Variants in SEC14L4 observed in about 807,000 individuals in gnomAD.
The protein encoded by SEC14L4 is SEC14 like lipid binding 4.
A neutral mutation model predicts 55.1 loss-of-function variants in SEC14L4; 42 were observed. The observed-to-expected ratio is 0.76, with a 90% confidence interval of 0.60 to 0.99. The LOEUF (loss-of-function observed/expected upper bound fraction) is 0.99, where lower values mean the gene tolerates loss of function less well. Ranked by LOEUF, SEC14L4 falls within the 50% of genes least tolerant of loss-of-function variation. SEC14L4 has a pLI of 0.00. For missense variants in SEC14L4, 445 were observed against 512.1 expected, an observed-to-expected ratio of 0.87 and a Z score of 1.27; for synonymous variants, 206 against 206.8, an observed-to-expected ratio of 1.00 and a Z score of 0.03.
At chr22:30,500,848 T>C (rs1936298444) in intron 2 of SEC14L4, among the ~76,000 whole-genome samples, 1 of 137,764 alleles carries the variant, frequency 7.3e-6, no homozygotes, top group African/African-American at 2.8e-5. Flanking sequence ...CTGATGGAAC[T>C]GGCATCAGAT....
chr22:30,495,510 C>T (rs1936117787), intron 4 of SEC14L4, 68 bp from the exon 5 acceptor site: 1 of 1,608,410 alleles, frequency 6.2e-7, no homozygotes, highest in South Asian at 1.1e-5. Context: ...CATCAGGTGG[C>T]TGGACGTGGT....
Position 30,492,095 on chromosome 22 carries a change from C to A in SEC14L4, c.725G>T (p.Gly242Val). The change falls in exon 9 of 12, where the codon GGG becomes GTG. Residue 242 changes from glycine to valine, a missense_variant. By Grantham distance (109) the Gly-to-Val change is moderately radical. Transcript: ENST00000255858. ...ISPDQLPVEF[G>V]GTMTDPDGNP... ...GCCATCGGGGTCAGTCATGGTCCCC[C>A]CAAACTCCACAGGCAGCTGGTCGGG... 6.2e-7 allele frequency: 1 copy of A among 1,613,884 alleles called. No homozygotes were observed. The highest frequency in any genetic ancestry group is 1.7e-4 in the Middle Eastern group (1 of 6,052).
At chr22:30,494,514 C>T (rs1257576723) in intron 6 of SEC14L4, among the ~76,000 whole-genome samples, 6 of 152,134 alleles carry the variant, frequency 3.9e-5, no homozygotes, top group Non-Finnish European at 5.9e-5. Context: ...ACTACAGGCA[C>T]GTGCCACTGC....
chr22:30,500,264 T>C (rs1936278790), intron 2 of SEC14L4, among the ~76,000 whole-genome samples: 1 of 152,182 alleles, frequency 6.6e-6, no homozygotes, highest in South Asian at 2.1e-4. Context: ...TCAATTTCTC[T>C]AATATTTATT....
chr22:30,501,702 C>T (rs900004684), intron 2 of SEC14L4, among the ~76,000 whole-genome samples: 1 of 151,900 alleles, frequency 6.6e-6, no homozygotes, highest in African/African-American at 2.4e-5. Flanking sequence ...AATGTACCAT[C>T]ATCATCATAA....
intron 4 of SEC14L4, 49 bp from the exon 5 acceptor site, chr22:30,495,491 TC>T (rs1476798344): frequency 9.3e-6 from 15 of 1,609,156 alleles, no homozygotes; most frequent in African/African-American, 1.3e-5. Flanking sequence ...CCAGGCTGGG[TC>T]CCTACTCCAT....
intron 2 of SEC14L4, among the ~76,000 whole-genome samples, chr22:30,500,802 C>G (rs1274216336): frequency 1.6e-5 from 2 of 123,622 alleles, no homozygotes; most frequent in Non-Finnish European, 3.2e-5. Flanking sequence ...CTACTATGCG[C>G]CAGGCTGAGG....
At chr22:30,495,115 G>A (rs1936096244) in intron 5 of SEC14L4, 139 bp downstream of exon 5, 1 of 979,964 alleles carries the variant, frequency 1.0e-6, no homozygotes, top group Non-Finnish European at 1.5e-6. Context: ...CACTTTTACG[G>A]GTGGGTAAGG....
intron 2 of SEC14L4, among the ~76,000 whole-genome samples, chr22:30,500,747 G>T (rs1245645728): frequency 1.6e-5 from 2 of 124,884 alleles, no homozygotes; most frequent in Admixed American, 8.6e-5. Flanking sequence ...TGGGATATGA[G>T]AACAGAATTT....
intron 8 of SEC14L4, 79 bp downstream of exon 8, chr22:30,492,395 G>T: frequency 2.2e-6 from 3 of 1,378,032 alleles, no homozygotes; most frequent in Non-Finnish European, 3.1e-6. Flanking sequence ...TAGAGGACGA[G>T]CCAGGGAGAA....
At position 30,502,919 on chromosome 22, in the gene SEC14L4, C is replaced by T. The variant is rs73168675; in HGVS notation, c.130+758G>A. ...CTGCTTCTCTAGCATTCGCTAAATC[C>T]ACTTCCTTAAGTGTTTGCTGGGCAC... is the stretch of plus-strand genomic sequence containing the variant. On this transcript the variant is annotated intron_variant, in intron 2 of 11. Coordinates refer to ENST00000255858, the MANE Select transcript of SEC14L4 (RefSeq NM_174977.4). Among the ~76,000 whole-genome samples, 764 of 152,324 alleles carry T rather than the reference C, an allele frequency of 5.0e-3. 1 individual carries two copies. The highest frequency in any genetic ancestry group is 0.01 in the Middle Eastern group (3 of 294).
At chr22:30,499,578 A>G (rs1388211066) in intron 2 of SEC14L4, among the ~76,000 whole-genome samples, 2 of 151,190 alleles carry the variant, frequency 1.3e-5, no homozygotes, top group Non-Finnish European at 3.0e-5. Flanking sequence ...TCTCTACTAA[A>G]AATACAAAAA....
chr22:30,501,510 A>G (rs1342019004), intron 2 of SEC14L4, among the ~76,000 whole-genome samples: 6 of 152,180 alleles, frequency 3.9e-5, no homozygotes, highest in Admixed American at 1.3e-4. Context: ...GGGCAATGAC[A>G]TATTTCCTTG....
At chr22:30,497,009 C>T (rs2146186149) in intron 2 of SEC14L4, among the ~76,000 whole-genome samples, 1 of 152,288 alleles carries the variant, frequency 6.6e-6, no homozygotes, top group Non-Finnish European at 1.5e-5. Context: ...CAGATGCTAT[C>T]CAGGCCTCCT....
intron 7 of SEC14L4, chr22:30,492,889 GC>G (rs1373863696): frequency 2.0e-4 from 49 of 246,202 alleles, no homozygotes; most frequent in African/African-American, 1.0e-3. Context: ...TTCAAGACCA[GC>G]CTGGCCAACA....
rs1935886544 is a variant in SEC14L4 at position 30,489,609 on chromosome 22, G to A, written c.*498C>T. On this transcript the variant is annotated 3_prime_UTR_variant, in exon 12 of 12. Transcript: ENST00000255858. ...GGCCCCAGTGCTCTGCTGGAACCAG[G>A]ACCCTCACCCAGCTGCCTCCAGCTG... The A allele has an allele frequency of 3.4e-6, 2 of 581,850 alleles. No homozygotes were observed. The highest frequency in any genetic ancestry group is 6.2e-5 in the Admixed American group (2 of 32,334). 36.0% of individuals were successfully genotyped at this position (581,850 alleles called of 1,614,324 possible).
intron 3 of SEC14L4, 126 bp downstream of exon 3, chr22:30,495,802 A>G (rs768976798): frequency 5.0e-6 from 8 of 1,594,228 alleles, no homozygotes; most frequent in African/African-American, 4.0e-5. Flanking sequence ...TGATGCAGAA[A>G]GAGATCGGGG....
At chr22:30,492,644 A>G in intron 7 of SEC14L4, 87 bp from the exon 8 acceptor site, 2 of 1,018,166 alleles carry the variant, frequency 2.0e-6, no homozygotes, top group South Asian at 1.3e-5. Flanking sequence ...GCTGGACAGG[A>G]GGTGGACAGA....
intron 1 of SEC14L4, 71 bp downstream of exon 1, chr22:30,505,487 C>A: frequency 6.9e-7 from 1 of 1,448,600 alleles, no homozygotes; most frequent in Non-Finnish European, 9.4e-7. Context: ...CATGGGGGCT[C>A]CAGCCGGGTT....
Sources: allele counts gnomAD v4.1 joint callset (sites outside exome capture counted in the v4.1 genomes callset), GRCh38; gene constraint gnomAD v4.1.1; transcripts MANE v1.5; gene names NCBI Gene and HGNC (gene_info 2026-07-23, HGNC 2026-07-21).